KCNMA1: variants seen among roughly 807,000 people sequenced by gnomAD.
KCNMA1 encodes the protein potassium calcium-activated channel subfamily M alpha 1, also known as Calcium-activated potassium channel subunit alpha-1.
In KCNMA1, 29 loss-of-function variants were observed where a neutral mutation model predicts 140.0. The ratio of observed to expected loss-of-function variants is 0.21; its 90% CI spans 0.15 to 0.28. The LOEUF is 0.28. KCNMA1 is among the 10% of genes least tolerant of loss of function. The pLI, the probability that KCNMA1 is intolerant of heterozygous loss-of-function variation, is 1.00. For synonymous variants in KCNMA1, 612 were observed against 611.9 expected (o/e 1.00, Z 0.00); for missense variants, 880 against 1,602.2 (o/e 0.55, Z 7.70).
rs1392627542 is a variant in KCNMA1, at chr10:77,354,014, G to A, written c.540+49848C>T. Among the ~76,000 whole-genome samples, 9 of 146,190 alleles carry A rather than the reference G, an allele frequency of 6.2e-5. 1 individual carries two copies. The highest frequency in any genetic ancestry group is 2.1e-4 in the African/African-American group (8 of 38,166). ...GGTGGAGGGGTGGGGATGGAGTCTT[G>A]TTCTGTCACCCAGGCTGGAGTTCAG... On this transcript the variant is annotated intron_variant, in intron 2 of 27. Transcript: ENST00000286628.
At chr10:77,264,899 A>C (rs909724737) in intron 2 of KCNMA1, among the ~76,000 whole-genome samples, 2 of 152,176 alleles carry the variant, frequency 1.3e-5, no homozygotes, top group Non-Finnish European at 2.9e-5. Context: ...TTCAGTGCAC[A>C]AAGTTGCTGA....
chr10:77,619,626 G>A (rs1255351144), intron 1 of KCNMA1, among the ~76,000 whole-genome samples: 3 of 152,084 alleles, frequency 2.0e-5, no homozygotes, highest in Non-Finnish European at 4.4e-5. Context: ...CACATTGAGC[G>A]ACCCCTGGTC....
At chr10:77,229,168 G>C (rs79862755) in intron 3 of KCNMA1, among the ~76,000 whole-genome samples, 1 of 105,250 alleles carries the variant, frequency 9.5e-6, no homozygotes, top group Non-Finnish European at 2.0e-5. Context: ...GAAAAGCAAA[G>C]GTGGGTCATC....
At chr10:77,449,908 CT>C (rs2097599929) in intron 1 of KCNMA1, among the ~76,000 whole-genome samples, 2 of 151,870 alleles carry the variant, frequency 1.3e-5, no homozygotes, top group Admixed American at 1.3e-4. Context: ...TCCCAAAGTG[CT>C]GGGATTACAG....
chr10:77,460,379 C>T (rs2097843437), intron 1 of KCNMA1, among the ~76,000 whole-genome samples: 1 of 152,134 alleles, frequency 6.6e-6, no homozygotes, highest in Non-Finnish European at 1.5e-5. Context: ...TCTAGCAACC[C>T]CACTAATGAG....
chr10:77,580,018 T>C (rs1200668269), intron 1 of KCNMA1, among the ~76,000 whole-genome samples: 2 of 152,164 alleles, frequency 1.3e-5, no homozygotes, highest in African/African-American at 2.4e-5. Flanking sequence ...TTCCATAAAA[T>C]GCTATCCTTA....
intron 25 of KCNMA1, among the ~76,000 whole-genome samples, chr10:76,895,035 C>T (rs925831442): frequency 1.3e-5 from 2 of 152,148 alleles, no homozygotes; most frequent in Admixed American, 1.3e-4. Flanking sequence ...AAAGACTGAC[C>T]CGCACTTAAT....
chr10:76,928,301 ACACACACACG>A, intron 23 of KCNMA1, among the ~76,000 whole-genome samples: 1 of 74,350 alleles, frequency 1.3e-5, no homozygotes, highest in Non-Finnish European at 3.7e-5. Context: ...ACACACACAC[ACACACACACG>A]CACATACACA....
At chr10:77,612,346 A>C (rs928376876) in intron 1 of KCNMA1, among the ~76,000 whole-genome samples, 1 of 152,214 alleles carries the variant, frequency 6.6e-6, no homozygotes, top group African/African-American at 2.4e-5. Flanking sequence ...GTGATGCATG[A>C]AACAATTATT....
At chr10:77,432,075 C>A (rs900967588) in intron 1 of KCNMA1, among the ~76,000 whole-genome samples, 1 of 152,184 alleles carries the variant, frequency 6.6e-6, no homozygotes, top group Non-Finnish European at 1.5e-5. Context: ...GCAAGCCTCT[C>A]ACACCTGCAG....
chr10:76,970,343 AAAAAG>A, intron 19 of KCNMA1: 1 of 392,804 alleles, frequency 2.5e-6, no homozygotes, highest in East Asian at 4.7e-5. Context: ...AAAAAAAAAA[AAAAAG>A]AAATCATGAT....
chr10:77,367,100 C>A (rs978718450), intron 2 of KCNMA1, among the ~76,000 whole-genome samples: 1 of 152,142 alleles, frequency 6.6e-6, no homozygotes, highest in African/African-American at 2.4e-5. Flanking sequence ...ACCCTCATTC[C>A]GCACGGGTGT....
chr10:77,490,067 ACGCACCGGATGCCAG>A (rs1208607571), intron 1 of KCNMA1, among the ~76,000 whole-genome samples: 1 of 152,202 alleles, frequency 6.6e-6, no homozygotes, highest in Non-Finnish European at 1.5e-5. Context: ...CCTGGCCGCT[ACGCACCGGATGCCAG>A]CAGCACCCAC....
At chr10:77,136,410 A>T (rs1719933923) in intron 5 of KCNMA1, among the ~76,000 whole-genome samples, 1 of 152,184 alleles carries the variant, frequency 6.6e-6, no homozygotes, top group African/African-American at 2.4e-5. Flanking sequence ...GAGAGGAAAA[A>T]TTATTTGTTT....
chr10:77,531,151 C>T (rs1405754528), intron 1 of KCNMA1, among the ~76,000 whole-genome samples: 1 of 152,170 alleles, frequency 6.6e-6, no homozygotes, highest in Non-Finnish European at 1.5e-5. Context: ...GGGCTTCAAA[C>T]TTGGGTGTGC....
At chr10:77,623,156 T>C (rs2091818040) in intron 1 of KCNMA1, among the ~76,000 whole-genome samples, 1 of 152,210 alleles carries the variant, frequency 6.6e-6, no homozygotes, top group African/African-American at 2.4e-5. Context: ...AGAGTACAAA[T>C]AGAAACCTTC....
intron 2 of KCNMA1, among the ~76,000 whole-genome samples, chr10:77,287,277 A>C (rs760156628): frequency 4.6e-5 from 7 of 152,214 alleles, no homozygotes; most frequent in Non-Finnish European, 1.0e-4. Context: ...TCAAAGAGCC[A>C]AACATTTTGC....
At chr10:77,440,772 G>A (rs10824545) in intron 1 of KCNMA1, among the ~76,000 whole-genome samples, 26,287 of 152,088 alleles carry the variant, frequency 0.17, 2,751 homozygotes, top group African/African-American at 0.29. Context: ...TTGAACAGGA[G>A]AGAGTAGGGC....
intron 19 of KCNMA1, chr10:76,980,592 A>T (rs1433893387): frequency 6.6e-6 from 1 of 152,152 alleles, no homozygotes; most frequent in Non-Finnish European, 1.5e-5. Context: ...CCATACAAAT[A>T]TGGATTTCTA....
Sources: allele counts gnomAD v4.1 joint callset (sites outside exome capture counted in the v4.1 genomes callset), GRCh38; gene constraint gnomAD v4.1.1; transcripts MANE v1.5; gene names NCBI Gene and HGNC (gene_info 2026-07-23, HGNC 2026-07-21).